The following PLGRKT variants were observed in gnomAD, a reference collection of about 807,000 sequenced individuals.
PLGRKT encodes the protein plasminogen receptor (KT).
Under a neutral mutation model 18.5 loss-of-function variants are expected in PLGRKT, and 22 were observed. That is an observed-to-expected ratio of 1.19 (90% confidence interval 0.85 to 1.70). The LOEUF (loss-of-function observed/expected upper bound fraction) is 1.70, where lower values mean the gene tolerates loss of function less well. Ranked by LOEUF, PLGRKT falls within the 40% of genes most tolerant of loss-of-function variation. The pLI is 0.00. For synonymous variants in PLGRKT, 72 were observed against 52.8 expected, an observed-to-expected ratio of 1.36 and a Z score of -1.58; for missense variants, 235 against 174.4, an observed-to-expected ratio of 1.35 and a Z score of -1.96.
At chr9:5,390,463 C>A (rs1160936272) in intron 3 of PLGRKT, among the ~76,000 whole-genome samples, 1 of 151,870 alleles carries the variant, frequency 6.6e-6, no homozygotes, top group Non-Finnish European at 1.5e-5. Flanking sequence ...GAAGACCCTT[C>A]CCGCCTTGGC....
chr9:5,409,977 G>C (rs746989362), intron 3 of PLGRKT, among the ~76,000 whole-genome samples: 2 of 152,098 alleles, frequency 1.3e-5, no homozygotes, highest in Non-Finnish European at 2.9e-5. Context: ...GTGGGACCTG[G>C]AGAAATTTTT....
chr9:5,433,194 G>C (rs1485012423), intron 2 of PLGRKT, among the ~76,000 whole-genome samples: 1 of 146,286 alleles, frequency 6.8e-6, no homozygotes, highest in Non-Finnish European at 1.5e-5. Flanking sequence ...CCGCCACCCC[G>C]TCTAGGAAGT....
At chr9:5,368,418 C>A (rs565934808) in intron 3 of PLGRKT, among the ~76,000 whole-genome samples, 1 of 152,258 alleles carries the variant, frequency 6.6e-6, no homozygotes, top group South Asian at 2.1e-4. Flanking sequence ...GGAATTAAAT[C>A]ATATCCTTTG....
chr9:5,406,672 G>A (rs971409306), intron 3 of PLGRKT, among the ~76,000 whole-genome samples: 2 of 152,142 alleles, frequency 1.3e-5, no homozygotes, highest in Non-Finnish European at 2.9e-5. Context: ...TTAATACCTA[G>A]GTGATGGGTT....
intron 3 of PLGRKT, among the ~76,000 whole-genome samples, chr9:5,409,651 A>T (rs774792965): frequency 2.6e-5 from 4 of 152,192 alleles, no homozygotes; most frequent in Non-Finnish European, 5.9e-5. Flanking sequence ...AACCTTGCAA[A>T]GCCACAGGGA....
chr9:5,401,529 A>G (rs904654374), intron 3 of PLGRKT, among the ~76,000 whole-genome samples: 1 of 151,954 alleles, frequency 6.6e-6, no homozygotes, highest in Non-Finnish European at 1.5e-5. Flanking sequence ...TGACTACAAT[A>G]TACCAAATAA....
chr9:5,398,829 A>G (rs1252242059), intron 3 of PLGRKT, among the ~76,000 whole-genome samples: 1 of 151,902 alleles, frequency 6.6e-6, no homozygotes, highest in Admixed American at 6.5e-5. Context: ...AAGTCATCCC[A>G]AAATATGCCA....
chr9:5,364,722 G>A (rs555445223), intron 3 of PLGRKT, among the ~76,000 whole-genome samples: 92 of 152,246 alleles, frequency 6.0e-4, no homozygotes, highest in African/African-American at 2.1e-3. Context: ...TGTCTCTCAC[G>A]AGTTACAGAT....
In PLGRKT at chr9:5,418,290, A is replaced by G; in HGVS notation, c.81+13607T>C. On this transcript the variant is annotated intron_variant, in intron 3 of 5. Coordinates refer to ENST00000223864, the MANE Select transcript of PLGRKT (RefSeq NM_018465.4). The surrounding 1 kb of genome is among the most constrained non-coding windows in gnomAD (Gnocchi z 4.2). ...ACCAAATGGTCAGTGTCGCCCCCTC[A>G]TCTTCTCACTGGGATCTCATCACCA... 1 of 500,982 alleles carries G rather than the reference A, an allele frequency of 2.0e-6. No homozygotes were observed. Among genetic ancestry groups the G allele is most frequent in the Non-Finnish European group, 3.8e-6 (1 of 262,154 alleles). The allele number at this position is 500,982 out of a possible 1,614,324, so 31.0% of individuals were successfully genotyped here. A position where few individuals can be genotyped will look rare whatever the true frequency, so the allele number is the denominator to read the frequency against.
At chr9:5,389,833 T>C (rs934042735) in intron 3 of PLGRKT, among the ~76,000 whole-genome samples, 1 of 151,870 alleles carries the variant, frequency 6.6e-6, no homozygotes, top group Admixed American at 6.6e-5. Flanking sequence ...AGCTTCATAG[T>C]ATGTGAAACG....
intron 3 of PLGRKT, among the ~76,000 whole-genome samples, chr9:5,409,741 G>C (rs961826248): frequency 6.6e-6 from 1 of 152,200 alleles, no homozygotes; most frequent in Non-Finnish European, 1.5e-5. Context: ...AAGAAGATCA[G>C]TTTGGAGCTT....
At chr9:5,384,954 C>G (rs1381756059) in intron 3 of PLGRKT, among the ~76,000 whole-genome samples, 4 of 152,020 alleles carry the variant, frequency 2.6e-5, no homozygotes, top group Non-Finnish European at 5.9e-5. Context: ...GTATTGCTTA[C>G]ACCTTTATTT....
chr9:5,358,435 T>C, intron 5 of PLGRKT, 75 bp from the exon 6 acceptor site: 2 of 1,346,954 alleles, frequency 1.5e-6, no homozygotes, highest in Non-Finnish European at 1.1e-6. Context: ...GATTGCTATA[T>C]TCCTTGACAG....
At chr9:5,371,552 G>C (rs988560766) in intron 3 of PLGRKT, among the ~76,000 whole-genome samples, 5 of 152,182 alleles carry the variant, frequency 3.3e-5, no homozygotes, top group Non-Finnish European at 7.3e-5. Flanking sequence ...CTCCTGCCAG[G>C]ATTCTGAGAC....
chr9:5,385,595 T>C (rs555599676), intron 3 of PLGRKT, among the ~76,000 whole-genome samples: 1 of 151,950 alleles, frequency 6.6e-6, no homozygotes, highest in Non-Finnish European at 1.5e-5. Context: ...CTCACATACT[T>C]GCCACTCTTC....
rs552161900 is a variant in PLGRKT at position 5,420,320 on chromosome 9, T to A, written c.81+11577A>T. ...AGTGATGAAGTGTTACAGAATTAAATAGTGGTGACAGTTGCACAACACTGT... is the reference window on the plus strand; with the variant it reads ...AGTGATGAAGTGTTACAGAATTAAAAAGTGGTGACAGTTGCACAACACTGT... On this transcript the variant is annotated intron_variant, in intron 3 of 5. Coordinates refer to ENST00000223864, the MANE Select transcript of PLGRKT (RefSeq NM_018465.4). Among the ~76,000 whole-genome samples, 4 of 152,336 alleles carry A rather than the reference T, an allele frequency of 2.6e-5. No individual in the cohort carries two copies. In the South Asian group the frequency reaches 8.3e-4, roughly 32 times the overall value.
intron 3 of PLGRKT, among the ~76,000 whole-genome samples, chr9:5,377,816 C>T: frequency 6.6e-6 from 1 of 152,132 alleles, no homozygotes; most frequent in East Asian, 1.9e-4. Context: ...TGGCAAATCT[C>T]TTGGGGGAAG....
intron 3 of PLGRKT, among the ~76,000 whole-genome samples, chr9:5,371,881 C>G (rs1186714283): frequency 6.6e-6 from 1 of 151,142 alleles, no homozygotes; most frequent in Admixed American, 6.6e-5. Flanking sequence ...CAAAAGACCT[C>G]TATTCTACAA....
At chr9:5,423,795 C>G (rs1041110823) in intron 3 of PLGRKT, among the ~76,000 whole-genome samples, 1 of 148,962 alleles carries the variant, frequency 6.7e-6, no homozygotes, top group African/African-American at 2.5e-5. Flanking sequence ...CTGACCCCCC[C>G]AGGCTCAAGC....
Sources: allele counts gnomAD v4.1 joint callset (sites outside exome capture counted in the v4.1 genomes callset), GRCh38; gene constraint gnomAD v4.1.1; non-coding constraint Gnocchi (gnomAD v3.1); transcripts MANE v1.5; gene names NCBI Gene and HGNC (gene_info 2026-07-23, HGNC 2026-07-21).